TECTB: variants seen among roughly 807,000 people sequenced by gnomAD.
The protein encoded by TECTB is tectorin beta.
In TECTB, 45 loss-of-function variants were observed where a neutral mutation model predicts 43.3. The observed-to-expected ratio is 1.04, with a 90% CI of 0.82 to 1.33. TECTB has a LOEUF of 1.33. TECTB is among the 40% of genes most tolerant of loss of function. TECTB has a pLI of 0.00. For synonymous variants in TECTB, 169 were observed against 156.7 expected (o/e 1.08, Z -0.59); for missense variants, 399 against 404.7 (o/e 0.99, Z 0.12).
chr10:112,284,760 G>A, intron 3 of TECTB, 35 bp downstream of exon 3: 3 of 1,437,454 alleles, frequency 2.1e-6, no homozygotes, highest in South Asian at 3.2e-5. Flanking sequence ...AGTTGTTTAA[G>A]GTAAGGCAAC....
At chr10:112,297,294 A>C (rs775074976) in intron 7 of TECTB, among the ~76,000 whole-genome samples, 1 of 152,178 alleles carries the variant, frequency 6.6e-6, no homozygotes, top group Non-Finnish European at 1.5e-5. Context: ...CCTGGGGCAC[A>C]AAGTGGACCA....
At chr10:112,293,082 G>C (rs190014683) in intron 5 of TECTB, among the ~76,000 whole-genome samples, 1 of 152,280 alleles carries the variant, frequency 6.6e-6, no homozygotes, top group Admixed American at 6.5e-5. Flanking sequence ...TCTAGATAAT[G>C]TCCTATGGTC....
At chr10:112,283,916 G>T in intron 2 of TECTB, 106 bp downstream of exon 2, 1 of 1,243,560 alleles carries the variant, frequency 8.0e-7, no homozygotes, top group Middle Eastern at 1.9e-4. Context: ...ATGTAATGAT[G>T]TAGCCAAGCA....
chr10:112,292,722 G>A (rs1439383790), intron 5 of TECTB, among the ~76,000 whole-genome samples: 2 of 152,190 alleles, frequency 1.3e-5, no homozygotes, highest in Admixed American at 6.5e-5. Context: ...GAGACTACAA[G>A]TGTGAGCCAC....
intron 8 of TECTB, 142 bp from the exon 9 acceptor site, chr10:112,299,350 C>T: frequency 2.9e-6 from 2 of 692,160 alleles, no homozygotes; most frequent in South Asian, 1.9e-5. Flanking sequence ...AAAAAGGTAA[C>T]TCATCTCTGT....
At chr10:112,298,983 A>G (rs1348471999) in intron 8 of TECTB, among the ~76,000 whole-genome samples, 6 of 152,364 alleles carry the variant, frequency 3.9e-5, no homozygotes, top group Admixed American at 1.3e-4. Flanking sequence ...ATTTGGCCAG[A>G]AAATGGTTCT....
chr10:112,297,917 TGTGAAGATCAA>T, intron 7 of TECTB, 141 bp from the exon 8 acceptor site: 1 of 951,436 alleles, frequency 1.1e-6, no homozygotes, highest in South Asian at 1.6e-5. Context: ...ACCTCACAGT[TGTGAAGATCAA>T]GTGAGGTGCT....
intron 2 of TECTB, 105 bp downstream of exon 2, chr10:112,283,915 T>C: frequency 8.0e-7 from 1 of 1,250,806 alleles, no homozygotes. Flanking sequence ...AATGTAATGA[T>C]GTAGCCAAGC....
chr10:112,299,729 A>G (rs1170729668), intron 9 of TECTB, 165 bp downstream of exon 9: 3 of 663,006 alleles, frequency 4.5e-6, no homozygotes, highest in Non-Finnish European at 7.6e-6. Flanking sequence ...GGTGGGGAAC[A>G]GCTCAAGCCA....
At chr10:112,296,780 G>A (rs967629536) in intron 7 of TECTB, among the ~76,000 whole-genome samples, 5 of 152,132 alleles carry the variant, frequency 3.3e-5, no homozygotes, top group Non-Finnish European at 5.9e-5. Context: ...GAAAAGGGGT[G>A]GGGTAGAGAA....
At chr10:112,301,241 C>G (rs561489006) in intron 9 of TECTB, among the ~76,000 whole-genome samples, 2 of 151,950 alleles carry the variant, frequency 1.3e-5, no homozygotes, top group African/African-American at 4.8e-5. Context: ...TGGCCCTGTC[C>G]CTACTAGAAT....
chr10:112,283,931 A>G (rs989101832), intron 2 of TECTB, 121 bp downstream of exon 2: 2 of 1,076,086 alleles, frequency 1.9e-6, no homozygotes, highest in East Asian at 2.6e-5. Flanking sequence ...CAAGCAGGAA[A>G]GTACTTAAGC....
chr10:112,301,632 C>T (rs1362374173), intron 9 of TECTB, among the ~76,000 whole-genome samples: 5 of 152,050 alleles, frequency 3.3e-5, no homozygotes, highest in Admixed American at 2.0e-4. Context: ...GGAGAGAAAG[C>T]GTTGTGAGAT....
chr10:112,292,033 T>G (rs1157496783), intron 5 of TECTB, among the ~76,000 whole-genome samples: 2 of 151,104 alleles, frequency 1.3e-5, no homozygotes, highest in Non-Finnish European at 2.9e-5. Context: ...CTACTCGGGA[T>G]GCTGAGGCAG....
chr10:112,290,312 T>C (rs1285433882), intron 5 of TECTB, among the ~76,000 whole-genome samples: 1 of 152,220 alleles, frequency 6.6e-6, no homozygotes, highest in Non-Finnish European at 1.5e-5. Context: ...ACTGGGGGTC[T>C]TGAAACATAT....
intron 10 of TECTB, chr10:112,302,913 A>G (rs1230711302): frequency 7.4e-6 from 2 of 271,352 alleles, no homozygotes; most frequent in Non-Finnish European, 7.1e-6. Flanking sequence ...TCACTTATTA[A>G]TAATCTCACA....
chr10:112,300,985 G>C (rs1052828692), intron 9 of TECTB, among the ~76,000 whole-genome samples: 3 of 152,280 alleles, frequency 2.0e-5, no homozygotes, highest in Non-Finnish European at 2.9e-5. Context: ...CTCTATCTTA[G>C]AGGACAGTCA....
intron 7 of TECTB, among the ~76,000 whole-genome samples, chr10:112,297,312 AC>A (rs1176293127): frequency 6.6e-6 from 1 of 152,134 alleles, no homozygotes; most frequent in Non-Finnish European, 1.5e-5. Context: ...CCAAGCGAGA[AC>A]CACTAGCTTA....
In TECTB at chr10:112,304,480, C is replaced by T. The variant is rs1202939430; in HGVS notation, c.*1168C>T. 3 of 152,180 alleles carry T rather than the reference C, an allele frequency of 2.0e-5. No homozygotes were observed. The highest frequency in any genetic ancestry group is 7.2e-5 in the African/African-American group (3 of 41,458). 9.4% of individuals were successfully genotyped at this position (152,180 alleles called of 1,614,324 possible). A position where few individuals can be genotyped will look rare whatever the true frequency, so the allele number is the denominator to read the frequency against. Reference sequence around the variant, plus strand: ...ATTTACATTGTCAACAAAATACAAACTGAATGAACCAATTCTGGTAGAGAA... The same window carrying T: ...ATTTACATTGTCAACAAAATACAAATTGAATGAACCAATTCTGGTAGAGAA... On this transcript the variant is annotated 3_prime_UTR_variant, in exon 11 of 11. Transcript: ENST00000646139.
Sources: gnomAD v4.1 joint callset for allele counts (sites outside exome capture counted in the v4.1 genomes callset) on GRCh38, gnomAD v4.1.1 for gene constraint, MANE v1.5 for transcripts, NCBI Gene and HGNC (gene_info 2026-07-23, HGNC 2026-07-21) for gene names.